RBMS3: variants seen among roughly 807,000 people sequenced by gnomAD.
RBMS3 encodes the protein RNA binding motif single stranded interacting protein 3.
Under a neutral mutation model 66.8 loss-of-function variants are expected in RBMS3, and 27 were observed. The observed-to-expected ratio is 0.40, with a 90% CI of 0.30 to 0.56. The LOEUF (loss-of-function observed/expected upper bound fraction) is 0.56. Ranked by LOEUF, RBMS3 falls within the 20% of genes least tolerant of loss-of-function variation. The pLI is 0.40. For synonymous variants in RBMS3, 188 were observed against 183.0 expected, an observed-to-expected ratio of 1.03 and a Z score of -0.22; for missense variants, 513 against 549.5, an observed-to-expected ratio of 0.93 and a Z score of 0.66.
intron 1 of RBMS3, 110 bp downstream of exon 1, chr3:29,281,866 C>A: frequency 1.1e-6 from 1 of 876,586 alleles, no homozygotes; most frequent in Non-Finnish European, 1.8e-6. Flanking sequence ...ATCACTTCTT[C>A]CTGCTTCTTT....
At chr3:29,948,471 CT>C (rs1695468853) in intron 12 of RBMS3, among the ~76,000 whole-genome samples, 1 of 151,782 alleles carries the variant, frequency 6.6e-6, no homozygotes, top group South Asian at 2.1e-4. Flanking sequence ...AGTATTTTAG[CT>C]GCTTCAAAGA....
chr3:29,436,360 G>T lies in RBMS3; in HGVS notation c.248+1445G>T, dbSNP rs370121192. Among the ~76,000 whole-genome samples, 5 of 152,184 alleles carry T rather than the reference G, an allele frequency of 3.3e-5. 1 individual carries two copies. The South Asian group carries it at 1.0e-3, about 31-fold the overall frequency. ...AGGTACATTAGGGTTGGAGTCCCCT[G>T]TTGCTACTGAGTGCCTTGATTTGTG... On this transcript the variant is annotated intron_variant, in intron 2 of 14. Transcript: ENST00000383767.
At chr3:29,380,588 G>A (rs530960845) in intron 1 of RBMS3, among the ~76,000 whole-genome samples, 21 of 152,120 alleles carry the variant, frequency 1.4e-4, no homozygotes, top group African/African-American at 4.1e-4. Context: ...CATAGATAAC[G>A]AAACTGAGTC....
chr3:29,388,497 C>T (rs562121848), intron 1 of RBMS3, among the ~76,000 whole-genome samples: 26 of 152,256 alleles, frequency 1.7e-4, no homozygotes, highest in African/African-American at 6.0e-4. Flanking sequence ...GTTAAAGAAA[C>T]ACTGTAATTA....
chr3:30,000,198 GA>G (rs546698467), intron 14 of RBMS3, among the ~76,000 whole-genome samples: 4 of 151,600 alleles, frequency 2.6e-5, no homozygotes, highest in Non-Finnish European at 5.9e-5. Flanking sequence ...AAATTTACAA[GA>G]AAAAAACAAC....
rs955982303 is a variant in RBMS3 at position 29,916,762 on chromosome 3, A to T, written c.939+17007A>T. Among the ~76,000 whole-genome samples the T allele has an allele frequency of 2.6e-5, 4 of 152,152 alleles. No individual in the cohort carries two copies. The South Asian group carries it at 8.3e-4, about 32-fold the overall frequency. The stretch of plus-strand genomic sequence containing the variant: ...CAGAAAAAAATGTATGTGTATTTGA[A>T]AATTAAAGATTCCTTAGGGGAAGAA... On this transcript the variant is annotated intron_variant, in intron 10 of 14. Transcript: ENST00000383767.
intron 1 of RBMS3, among the ~76,000 whole-genome samples, chr3:29,308,875 A>G (rs2034197186): frequency 6.6e-6 from 1 of 150,940 alleles, no homozygotes; most frequent in Admixed American, 6.6e-5. Flanking sequence ...GGATGCTGAT[A>G]TATTTTATCT....
intron 4 of RBMS3, among the ~76,000 whole-genome samples, chr3:29,664,738 T>C (rs2050688935): frequency 6.6e-6 from 1 of 152,158 alleles, no homozygotes; most frequent in Non-Finnish European, 1.5e-5. Context: ...AAGAAGTCTT[T>C]TGAAGATAGC....
chr3:30,004,406 G>A lies in RBMS3; in HGVS notation c.*544G>A, dbSNP rs1029327040. The A allele has an allele frequency of 2.6e-5, 4 of 152,096 alleles. No homozygotes were observed. The highest frequency in any genetic ancestry group is 7.2e-5 in the African/African-American group (3 of 41,426). 9.4% of individuals were successfully genotyped at this position (152,096 alleles called of 1,614,324 possible). ...TCTTAATTGCCTTAATTTTAAGGAC[G>A]TCAAAGGCTCTCGAGGCAAGCTGTC... is the stretch of plus-strand genomic sequence containing the variant. On this transcript the variant is annotated 3_prime_UTR_variant, in exon 15 of 15. Transcript: ENST00000383767.
At position 30,007,046 on chromosome 3, in the gene RBMS3, A is replaced by T. The variant is rs1699819918; in HGVS notation, c.*3184A>T. The stretch of plus-strand genomic sequence containing the variant: ...ATGTTTTCAAACCAAAAAGAAAAAA[A>T]ATAGAAGGAAAACAACGGCACATAC... On this transcript the variant is annotated 3_prime_UTR_variant, in exon 15 of 15. Transcript: ENST00000383767. 6.6e-6 allele frequency: 1 copy of T among 152,014 alleles called. No individual in the cohort carries two copies. The allele number at this position is 152,014 out of a possible 1,614,324, so 9.4% of individuals were successfully genotyped here.
In RBMS3 at chr3:29,396,168, GACATA is replaced by G. The variant is rs1247366114; in HGVS notation, c.76-38567_76-38563del. On this transcript the variant is annotated intron_variant, in intron 1 of 14. Transcript: ENST00000383767. ...CCTATGGATATGATTCTCTGAGAAG[GACATA>G]ACATAACTTATGTATGTTCCAGCCA... is the stretch of plus-strand genomic sequence containing the variant. Among the ~76,000 whole-genome samples the G allele has an allele frequency of 2.2e-4, 33 of 152,128 alleles. No individual in the cohort carries two copies. In the Middle Eastern group the frequency reaches 0.014, roughly 63 times the overall value.
chr3:29,912,904 T>G (rs2060550799), intron 10 of RBMS3, among the ~76,000 whole-genome samples: 1 of 151,976 alleles, frequency 6.6e-6, no homozygotes, highest in Non-Finnish European at 1.5e-5. Context: ...ATGGCAAGAT[T>G]GTTCAGTTTG....
At chr3:29,663,871 G>A (rs2050651902) in intron 4 of RBMS3, among the ~76,000 whole-genome samples, 1 of 152,154 alleles carries the variant, frequency 6.6e-6, no homozygotes, top group Non-Finnish European at 1.5e-5. Context: ...CCAGTGTCTT[G>A]AACAGTGCCT....
chr3:29,611,246 C>T (rs2048482317), intron 4 of RBMS3, among the ~76,000 whole-genome samples: 1 of 151,986 alleles, frequency 6.6e-6, no homozygotes. Context: ...AACAAAGAAG[C>T]CCTGTAAAAC....
intron 3 of RBMS3, among the ~76,000 whole-genome samples, chr3:29,537,953 C>A (rs1477790880): frequency 9.9e-5 from 15 of 151,956 alleles, no homozygotes; most frequent in Admixed American, 9.8e-4. Context: ...ATATTTAAAG[C>A]CTTGTATTTG....
At chr3:29,740,712 A>C (rs1279899148) in intron 5 of RBMS3, among the ~76,000 whole-genome samples, 1 of 152,142 alleles carries the variant, frequency 6.6e-6, no homozygotes. Context: ...GATGGATGTT[A>C]AGTGTTATGT....
chr3:29,943,744 A>G (rs2061445490), intron 11 of RBMS3, among the ~76,000 whole-genome samples: 1 of 151,782 alleles, frequency 6.6e-6, no homozygotes, highest in African/African-American at 2.4e-5. Context: ...TGCCTTCAAA[A>G]TGTGTTAGCC....
At chr3:29,769,293 A>C (rs1389777436) in intron 6 of RBMS3, among the ~76,000 whole-genome samples, 1 of 151,952 alleles carries the variant, frequency 6.6e-6, no homozygotes, top group African/African-American at 2.4e-5. Context: ...GAAAAGATTT[A>C]GGGCAGCCAT....
At chr3:29,988,316 C>G in intron 13 of RBMS3, 93 bp downstream of exon 13, 1 of 1,022,614 alleles carries the variant, frequency 9.8e-7, no homozygotes, top group Non-Finnish European at 1.5e-6. Context: ...TCCTCACTTG[C>G]AATTTTTGTG....
Sources: allele counts gnomAD v4.1 joint callset (sites outside exome capture counted in the v4.1 genomes callset), GRCh38; gene constraint gnomAD v4.1.1; transcripts MANE v1.5; gene names NCBI Gene and HGNC (gene_info 2026-07-23, HGNC 2026-07-21).